MCMBP: variants seen among roughly 807,000 people sequenced by gnomAD.
MCMBP encodes the protein minichromosome maintenance complex binding protein, also known as mini-chromosome maintenance complex-binding protein.
MCMBP carries 31 observed loss-of-function variants against 81.3 expected under a neutral mutation model. The observed-to-expected ratio is 0.38, with a 90% CI of 0.29 to 0.51. The LOEUF is 0.51. MCMBP is among the 20% of genes least tolerant of loss of function. MCMBP has a pLI of 0.87. For missense variants in MCMBP, 645 were observed against 772.1 expected (o/e 0.84, Z 1.95); for synonymous variants, 267 against 275.9 (o/e 0.97, Z 0.32).
chr10:119,831,253 A>ATAAT lies in MCMBP; in HGVS notation c.*217_*220dup, dbSNP rs10675577. ...TTTTTTTACATCATTACTAATTTAT[A>ATAAT]TAATTATTATAAAACAAACTTCAAA... On this transcript the variant is annotated 3_prime_UTR_variant, in exon 16 of 16. Transcript: ENST00000369077. The ATAAT allele has an allele frequency of 8.0e-3, 2,430 of 303,912 alleles. 52 individuals are homozygous for ATAAT. The highest frequency in any genetic ancestry group is 0.051 in the African/African-American group (2,308 of 45,436). The allele number at this position is 303,912 out of a possible 1,614,324, so 18.8% of individuals were successfully genotyped here.
At chr10:119,835,843 T>G in intron 13 of MCMBP, 139 bp from the exon 14 acceptor site, 1 of 964,054 alleles carries the variant, frequency 1.0e-6, no homozygotes, top group Non-Finnish European at 1.5e-6. Context: ...AATAATGTTT[T>G]TTTTTCTGTG....
chr10:119,841,928 A>G (rs566743777), intron 10 of MCMBP, among the ~76,000 whole-genome samples: 2 of 152,324 alleles, frequency 1.3e-5, no homozygotes, highest in African/African-American at 4.8e-5. Context: ...GGGGTCCCCA[A>G]CGCCCAGGCC....
chr10:119,841,459 G>C (rs1028269273), intron 10 of MCMBP, among the ~76,000 whole-genome samples: 3 of 152,192 alleles, frequency 2.0e-5, no homozygotes, highest in African/African-American at 7.2e-5. Context: ...TAACATTTAG[G>C]GAAATGGTTA....
At position 119,838,656 on chromosome 10, in the gene MCMBP, T is replaced by G. The variant is rs1324367406; in HGVS notation, c.1287A>C (p.Lys429Asn). Reference protein sequence around the residue: ...QMTIENMNHLKFIPHKDYTAN... With the variant: ...QMTIENMNHLNFIPHKDYTAN... The stretch of plus-strand genomic sequence containing the variant: ...CTGTGTAGTCTTTGTGGGGAATGAA[T>G]TTCAAATGGTTCATGTTCTCTATAG... Residue 429 changes from lysine (K) to asparagine (N), a missense_variant, in exon 12 of 16, where the codon AAA (lysine) becomes AAC (asparagine). Coordinates refer to ENST00000369077, the MANE Select transcript of MCMBP (RefSeq NM_001256378.2). The G allele has an allele frequency of 2.5e-6, 4 of 1,614,024 alleles. No individual in the cohort carries two copies. Among genetic ancestry groups the G allele is most frequent in the Non-Finnish European group, 3.4e-6 (4 of 1,179,942 alleles).
At chr10:119,835,419 TA>T (rs1852204451) in intron 14 of MCMBP, 120 bp downstream of exon 14, 7 of 907,668 alleles carry the variant, frequency 7.7e-6, no homozygotes, top group Admixed American at 2.6e-5. Context: ...AACAGAGGAA[TA>T]AAAAAAGACA....
rs543299068 is a variant in MCMBP at position 119,871,967 on chromosome 10, C to T, written c.58+560G>A. Among the ~76,000 whole-genome samples, 21 of 152,276 alleles carry T rather than the reference C, an allele frequency of 1.4e-4. No homozygotes were observed. The South Asian group carries it at 3.5e-3, about 26-fold the overall frequency. ...GGAGCAGATCCAGACTAGATGGGTT[C>T]TAAAGTCATCCCAACAGGAAAACTA... On this transcript the variant is annotated intron_variant, in intron 1 of 15. Coordinates refer to ENST00000369077, the MANE Select transcript of MCMBP (RefSeq NM_001256378.2).
At chr10:119,855,603 T>C (rs142425898) in intron 5 of MCMBP, among the ~76,000 whole-genome samples, 1 of 151,728 alleles carries the variant, frequency 6.6e-6, no homozygotes, top group Non-Finnish European at 1.5e-5. Flanking sequence ...CCTGGCAGGC[T>C]GAGGTTGCAG....
At position 119,830,641 on chromosome 10, in the gene MCMBP, A is replaced by AAAAT. The variant is rs1851990338; in HGVS notation, c.*829_*832dup. On this transcript the variant is annotated 3_prime_UTR_variant, in exon 16 of 16. Coordinates refer to ENST00000369077, the MANE Select transcript of MCMBP (RefSeq NM_001256378.2). ...GTTCTCAAATGCACTGGGATAGGAG[A>AAAAT]AAATAAAGACAATGTAGTGTCTTGG... 1.3e-5 allele frequency: 2 copies of AAAAT among 152,524 alleles called. No homozygotes were observed. The highest frequency in any genetic ancestry group is 2.4e-5 in the African/African-American group (1 of 41,430). 9.4% of individuals were successfully genotyped at this position (152,524 alleles called of 1,614,324 possible).
At position 119,844,856 on chromosome 10, in the gene MCMBP, C is replaced by A. The variant is rs562627451; in HGVS notation, c.828-1430G>T. Among the ~76,000 whole-genome samples the A allele has an allele frequency of 2.6e-5, 4 of 152,302 alleles. No individual in the cohort carries two copies. The East Asian group carries it at 7.7e-4, about 29-fold the overall frequency. On this transcript the variant is annotated intron_variant, in intron 8 of 15. Coordinates refer to ENST00000369077, the MANE Select transcript of MCMBP (RefSeq NM_001256378.2). Reference sequence around the variant, plus strand: ...CTCCAAGTTCTTCAGCTTTTGGACTCTTGGACCTACACCAGTGGTTCACCA... The same window carrying A: ...CTCCAAGTTCTTCAGCTTTTGGACTATTGGACCTACACCAGTGGTTCACCA...
intron 1 of MCMBP, among the ~76,000 whole-genome samples, chr10:119,864,730 TA>T (rs59406363): frequency 0.49 from 74,924 of 151,570 alleles, 18,816 homozygotes; most frequent in East Asian, 0.62. Flanking sequence ...GGTGGAAGCT[TA>T]AATTATTCAC....
chr10:119,841,982 A>G (rs888584846), intron 10 of MCMBP, among the ~76,000 whole-genome samples: 1 of 152,216 alleles, frequency 6.6e-6, no homozygotes, highest in African/African-American at 2.4e-5. Flanking sequence ...CCGGGCCACA[A>G]CATAGGAGGT....
intron 7 of MCMBP, among the ~76,000 whole-genome samples, chr10:119,848,348 A>AC (rs1247427104): frequency 6.6e-6 from 1 of 152,102 alleles, no homozygotes; most frequent in East Asian, 1.9e-4. Flanking sequence ...GCAGTGGCTC[A>AC]CCCCTGGAAT....
At chr10:119,857,800 T>C (rs577677566) in intron 4 of MCMBP, 1 of 157,342 alleles carries the variant, frequency 6.4e-6, no homozygotes, top group South Asian at 2.0e-4. Context: ...GAAACTGATT[T>C]ATCAAACCCC....
chr10:119,844,635 T>C (rs751538035), intron 8 of MCMBP, among the ~76,000 whole-genome samples: 7 of 152,184 alleles, frequency 4.6e-5, no homozygotes, highest in Non-Finnish European at 8.8e-5. Flanking sequence ...TGTTCCTGGA[T>C]GTGTCTGTGA....
Position 119,853,076 on chromosome 10 carries a change from T to A in MCMBP, c.548A>T (p.Asp183Val), listed in dbSNP as rs1309289176. 1 of 1,614,086 alleles carries A rather than the reference T, an allele frequency of 6.2e-7. No individual in the cohort carries two copies. The highest frequency in any genetic ancestry group is 8.5e-7 in the Non-Finnish European group (1 of 1,180,024). Residue 183 changes from aspartate (D) to valine (V), a missense_variant, in exon 6 of 16, where the codon GAC becomes GTC. By Grantham distance (152) the Asp-to-Val change is radical (BLOSUM62 -3). Coordinates refer to ENST00000369077, the MANE Select transcript of MCMBP (RefSeq NM_001256378.2). ...TGCTTGTCTGGCACCTGCATGTTGG[T>A]CTTTCTGCTTATTGGGCTGTAGGTC... Reference protein sequence around the residue: ...DMDLQPNKQKDQHAGARQAGS... With the variant: ...DMDLQPNKQKVQHAGARQAGS...
At chr10:119,836,695 A>T (rs1852253384) in intron 13 of MCMBP, among the ~76,000 whole-genome samples, 1 of 146,342 alleles carries the variant, frequency 6.8e-6, no homozygotes, top group Non-Finnish European at 1.5e-5. Flanking sequence ...AGCTTGGTAG[A>T]TGTAAGGTTT....
At chr10:119,845,834 T>C (rs752830842) in intron 8 of MCMBP, among the ~76,000 whole-genome samples, 1 of 152,222 alleles carries the variant, frequency 6.6e-6, no homozygotes, top group Non-Finnish European at 1.5e-5. Flanking sequence ...AACAACAGAT[T>C]GTGAATAATG....
At chr10:119,844,337 A>G (rs1852544634) in intron 8 of MCMBP, among the ~76,000 whole-genome samples, 1 of 152,242 alleles carries the variant, frequency 6.6e-6, no homozygotes, top group Non-Finnish European at 1.5e-5. Flanking sequence ...TATAGAATCT[A>G]TAGACACTGA....
At chr10:119,870,565 C>T (rs562525388) in intron 1 of MCMBP, among the ~76,000 whole-genome samples, 1 of 152,268 alleles carries the variant, frequency 6.6e-6, no homozygotes, top group South Asian at 2.1e-4. Flanking sequence ...CAGTGGTTAT[C>T]TTGAAGGTGA....
Sources: allele counts gnomAD v4.1 joint callset (sites outside exome capture counted in the v4.1 genomes callset), GRCh38; gene constraint gnomAD v4.1.1; transcripts MANE v1.5; gene names NCBI Gene and HGNC (gene_info 2026-07-23, HGNC 2026-07-21).